Variants in DAB1 observed in about 807,000 individuals in gnomAD.
DAB1 encodes the protein disabled homolog 1.
In DAB1, 15 loss-of-function variants were observed where a neutral mutation model predicts 64.6. The observed-to-expected ratio is 0.23, with a 90% confidence interval of 0.16 to 0.36. The LOEUF (loss-of-function observed/expected upper bound fraction) is 0.36, where lower values mean the gene tolerates loss of function less well. Ranked by LOEUF, DAB1 falls within the 10% of genes least tolerant of loss-of-function variation. The pLI, the probability that DAB1 is intolerant of heterozygous loss-of-function variation, is 1.00. For missense variants in DAB1, 596 were observed against 706.7 expected, an observed-to-expected ratio of 0.84 and a Z score of 1.78; for synonymous variants, 235 against 251.9, an observed-to-expected ratio of 0.93 and a Z score of 0.64.
At chr1:57,910,524 T>G (rs900359567) in intron 5 of DAB1, among the ~76,000 whole-genome samples, 1 of 152,216 alleles carries the variant, frequency 6.6e-6, no homozygotes, top group Non-Finnish European at 1.5e-5. Flanking sequence ...AACTGTGTGC[T>G]GCATGTAAGT....
intron 7 of DAB1, among the ~76,000 whole-genome samples, chr1:57,496,150 C>T (rs868464896): frequency 4.6e-5 from 7 of 152,188 alleles, no homozygotes; most frequent in Non-Finnish European, 7.3e-5. Context: ...ACAAATATCG[C>T]ATTACTGTTA....
chr1:57,848,447 C>T (rs1295317371), intron 1 of DAB1, among the ~76,000 whole-genome samples: 1 of 152,216 alleles, frequency 6.6e-6, no homozygotes, highest in Non-Finnish European at 1.5e-5. Flanking sequence ...TCCTGGACTA[C>T]ACAGGTAAAT....
At position 57,699,477 on chromosome 1, in the gene DAB1, C is replaced by T. The variant is rs190913602; in HGVS notation, n.552-49812G>A. ...TAGTGAATATACATTTTGTAAATAT[C>T]CTTGATGCTTTCTAACTATTCTGCC... On this transcript the variant is annotated intron_variant and non_coding_transcript_variant, in intron 6 of 20. Coordinates refer to the DAB1 transcript ENST00000485760. 5.9e-5 allele frequency among the ~76,000 whole-genome samples: 9 copies of T among 152,262 alleles called. No individual in the cohort carries two copies. In the East Asian group the frequency reaches 9.7e-4, roughly 16 times the overall value.
chr1:57,972,395 C>G (rs929120027), intron 5 of DAB1, among the ~76,000 whole-genome samples: 2 of 152,126 alleles, frequency 1.3e-5, no homozygotes, highest in Non-Finnish European at 2.9e-5. Flanking sequence ...AGCCACCATA[C>G]CTGGTTAATG....
intron 3 of DAB1, among the ~76,000 whole-genome samples, chr1:58,422,258 A>G (rs957160238): frequency 1.3e-5 from 2 of 151,892 alleles, no homozygotes; most frequent in African/African-American, 2.4e-5. Context: ...AATTCATGGT[A>G]CGTGCTTGGA....
At chr1:57,098,900 T>A (rs1250705769) in intron 4 of DAB1, among the ~76,000 whole-genome samples, 1 of 152,220 alleles carries the variant, frequency 6.6e-6, no homozygotes, top group Non-Finnish European at 1.5e-5. Flanking sequence ...TAAGATTGCC[T>A]TTAGGCCAAA....
At chr1:58,164,850 C>T (rs1423227122) in intron 4 of DAB1, among the ~76,000 whole-genome samples, 1 of 152,160 alleles carries the variant, frequency 6.6e-6, no homozygotes, top group Non-Finnish European at 1.5e-5. Context: ...ATCTGCTTAA[C>T]ATATATAATG....
chr1:57,639,565 A>G (rs974921869), intron 7 of DAB1, among the ~76,000 whole-genome samples: 11 of 152,166 alleles, frequency 7.2e-5, no homozygotes, highest in Non-Finnish European at 1.6e-4. Context: ...GGAAGGAGTG[A>G]GACTAGAGTT....
chr1:58,509,480 T>C (rs1333460487), intron 2 of DAB1, among the ~76,000 whole-genome samples: 1 of 145,534 alleles, frequency 6.9e-6, no homozygotes, highest in African/African-American at 2.5e-5. Context: ...ACAAAACTGA[T>C]GGGATACAGC....
intron 7 of DAB1, among the ~76,000 whole-genome samples, chr1:57,598,518 A>T (rs1174224305): frequency 6.6e-6 from 1 of 152,226 alleles, no homozygotes; most frequent in East Asian, 1.9e-4. Context: ...CCTACTCAGC[A>T]AGGGAGAAAG....
chr1:57,651,644 G>A (rs975342403), intron 6 of DAB1, among the ~76,000 whole-genome samples: 2 of 151,260 alleles, frequency 1.3e-5, no homozygotes, highest in African/African-American at 4.9e-5. Context: ...CTAACCTGAC[G>A]GGTTTATTGT....
intron 3 of DAB1, among the ~76,000 whole-genome samples, chr1:58,426,244 C>G (rs1186911143): frequency 6.6e-6 from 1 of 152,062 alleles, no homozygotes; most frequent in South Asian, 2.1e-4. Context: ...GATCTCATGC[C>G]CAGGGCTCTG....
intron 11 of DAB1, 53 bp downstream of exon 11, chr1:57,023,478 C>A: frequency 9.6e-7 from 1 of 1,040,512 alleles, no homozygotes; most frequent in South Asian, 1.4e-5. Flanking sequence ...AACTCTTTCT[C>A]TCTCTTAATG....
intron 2 of DAB1, among the ~76,000 whole-genome samples, chr1:57,238,442 T>C (rs1668248900): frequency 6.6e-6 from 1 of 152,202 alleles, no homozygotes; most frequent in African/African-American, 2.4e-5. Context: ...GCAAACTCTA[T>C]ATTTAGATGC....
At chr1:57,803,036 G>A (rs1651201056) in intron 6 of DAB1, among the ~76,000 whole-genome samples, 1 of 152,128 alleles carries the variant, frequency 6.6e-6, no homozygotes, top group African/African-American at 2.4e-5. Flanking sequence ...GACCCTGAAG[G>A]AGCTGACACC....
At chr1:57,685,649 C>T (rs1315208165) in intron 6 of DAB1, among the ~76,000 whole-genome samples, 2 of 152,152 alleles carry the variant, frequency 1.3e-5, no homozygotes, top group African/African-American at 2.4e-5. Context: ...AGATTGACCA[C>T]AAACTTGGTC....
chr1:58,445,334 T>C (rs1041992400), intron 3 of DAB1, among the ~76,000 whole-genome samples: 9 of 152,182 alleles, frequency 5.9e-5, no homozygotes, highest in Non-Finnish European at 1.2e-4. Flanking sequence ...AAATCAATAT[T>C]CCCACCTTAC....
intron 1 of DAB1, among the ~76,000 whole-genome samples, chr1:57,311,051 C>T (rs1177831886): frequency 2.0e-5 from 3 of 152,020 alleles, no homozygotes; most frequent in Non-Finnish European, 4.4e-5. Context: ...GATTGACAGA[C>T]AAGCGGCAGA....
At chr1:58,215,500 C>T (rs1221286518) in intron 4 of DAB1, among the ~76,000 whole-genome samples, 1 of 151,924 alleles carries the variant, frequency 6.6e-6, no homozygotes, top group East Asian at 1.9e-4. Flanking sequence ...GATTGTTAGC[C>T]TCCTAAAGGC....
Sources: gnomAD v4.1 joint callset for allele counts (sites outside exome capture counted in the v4.1 genomes callset) on GRCh38, gnomAD v4.1.1 for gene constraint, MANE v1.5 for transcripts, NCBI Gene and HGNC (gene_info 2026-07-23, HGNC 2026-07-21) for gene names.